The following FGF11 variants were observed in gnomAD, a reference collection of about 807,000 sequenced individuals.
The protein encoded by FGF11 is fibroblast growth factor homologous factor 3.
In FGF11, 25 loss-of-function variants were observed where a neutral mutation model predicts 25.1. The observed-to-expected ratio is 1.00, with a 90% CI of 0.73 to 1.39. The LOEUF is 1.39. Among genes scored for constraint, FGF11 ranks in the 40% most tolerant of loss-of-function variants. FGF11 has a pLI of 0.00. For missense variants in FGF11, 320 were observed against 311.0 expected (o/e 1.03, Z -0.22); for synonymous variants, 130 against 128.9 (o/e 1.01, Z -0.06).
chr17:7,442,128 G>A lies in FGF11; in HGVS notation c.408+249G>A, dbSNP rs1908357746. On this transcript the variant is annotated intron_variant, in intron 3 of 4. Transcript: ENST00000293829. ...AATGTCCAACTCTTTCTGCCTTTTA[G>A]GGCCCCTACTTCTTATCCCACCTCC... 9.1e-6 allele frequency: 4 copies of A among 440,224 alleles called. No individual in the cohort carries two copies. In the South Asian group the frequency reaches 1.5e-4, roughly 17 times the overall value. 27.3% of individuals were successfully genotyped at this position (440,224 alleles called of 1,614,324 possible). A position where few individuals can be genotyped will look rare whatever the true frequency, so the allele number is the denominator to read the frequency against.
In FGF11 at chr17:7,440,085, C is replaced by T; in HGVS notation, c.193+272C>T. On this transcript the variant is annotated intron_variant, in intron 1 of 4. Coordinates refer to ENST00000293829, the MANE Select transcript of FGF11 (RefSeq NM_004112.4). This position sits in a 1 kb window ranked among gnomAD's most constrained non-coding sequence, Gnocchi z 5.4. ...GTAGTTCCTGCTCGTCCCCCCTTCC[C>T]AACACAGCAGTCCCCACCCCCATCG... 1 of 369,096 alleles carries T rather than the reference C, an allele frequency of 2.7e-6. No individual in the cohort carries two copies. The highest frequency in any genetic ancestry group is 4.0e-5 in the East Asian group (1 of 25,146). 22.9% of individuals were successfully genotyped at this position (369,096 alleles called of 1,614,324 possible).
At chr17:7,442,975 G>A in intron 4 of FGF11, 101 bp from the exon 5 acceptor site, 2 of 1,178,658 alleles carry the variant, frequency 1.7e-6, no homozygotes, top group South Asian at 1.3e-5. Context: ...GTTCTTGGAG[G>A]GTGAATGTAC....
upstream of FGF11, among the ~76,000 whole-genome samples, chr17:7,438,767 A>T (rs1908172197): frequency 6.6e-6 from 1 of 152,118 alleles, no homozygotes; most frequent in Non-Finnish European, 1.5e-5. Context: ...CAGGGGAGAA[A>T]AAAACAAAAA....
intron 1 of FGF11, 186 bp from the exon 2 acceptor site, chr17:7,441,285 C>A (rs1908310089): frequency 4.2e-6 from 3 of 719,328 alleles, no homozygotes; most frequent in East Asian, 2.8e-5. Context: ...ACAGAAGGGA[C>A]CCACACCAGC....
Position 7,441,526 on chromosome 17 carries a change from C to T in FGF11, c.249C>T (p.Leu83=), listed in dbSNP as rs1908323554. 3.1e-6 allele frequency: 5 copies of T among 1,614,166 alleles called. No individual in the cohort carries two copies. Among genetic ancestry groups the T allele is most frequent in the African/African-American group, 2.7e-5 (2 of 75,032 alleles). Residue 83 remains leucine, a synonymous_variant, in exon 2 of 5, where the codon CTC becomes CTT. Transcript: ENST00000293829. Reference sequence around the variant, plus strand: ...TGTTCTGCCGCCAGGGTTTCTACCTCCAGGCGAATCCCGACGGAAGCATCC... The same window carrying T: ...TGTTCTGCCGCCAGGGTTTCTACCTTCAGGCGAATCCCGACGGAAGCATCC... ...TKLFCRQGFY[L]QANPDGSIQG... is the part of the protein sequence containing the mutation.
Position 7,439,812 on chromosome 17 carries a change from G to A in FGF11, c.192G>A (p.Pro64=), listed in dbSNP as rs1356129326. The A allele has an allele frequency of 1.5e-5, 22 of 1,429,118 alleles. No individual in the cohort carries two copies. Among genetic ancestry groups the A allele is most frequent in the African/African-American group, 1.1e-4 (7 of 66,228 alleles). The allele number at this position is 1,429,118 out of a possible 1,614,324, so 88.5% of individuals were successfully genotyped here. ...GGCCCGCGCGGCCGGACCGCGGCCC[G>A]GGTGAGTGCGGCTGGGGCGGGGTCT... is the stretch of plus-strand genomic sequence containing the variant. The part of the protein sequence containing the change: ...GGRPARPDRG[P]EPQLKGIVTK... The change falls in exon 1 of 5, where the codon CCG becomes CCA. Residue 64 remains proline, a splice_region_variant and synonymous_variant. Coordinates refer to ENST00000293829, the MANE Select transcript of FGF11 (RefSeq NM_004112.4).
chr17:7,443,491 G>C lies in FGF11; in HGVS notation c.*345G>C, dbSNP rs991144281. On this transcript the variant is annotated 3_prime_UTR_variant, in exon 5 of 5. Transcript: ENST00000293829. ...CCAGGGCATAAACACTTCCCACCCCGGCTCAGCCAGTTCCTGGAGTCCTGT... is the reference window on the plus strand; with the variant it reads ...CCAGGGCATAAACACTTCCCACCCCCGCTCAGCCAGTTCCTGGAGTCCTGT... 4.1e-6 allele frequency: 1 copy of C among 244,972 alleles called. No homozygotes were observed. Among genetic ancestry groups the C allele is most frequent in the Non-Finnish European group, 7.9e-6 (1 of 126,838 alleles). 15.2% of individuals were successfully genotyped at this position (244,972 alleles called of 1,614,324 possible).
Position 7,442,616 on chromosome 17 carries a change from G to A in FGF11, c.431G>A (p.Arg144His), listed in dbSNP as rs530767669. ...YSSPHFTAEC[R>H]FKECVFENYY... Reference sequence around the variant, plus strand: ...TAGCCGCATTTCACAGCTGAGTGTCGCTTTAAGGAGTGTGTCTTTGAGAAT... The same window carrying A: ...TAGCCGCATTTCACAGCTGAGTGTCACTTTAAGGAGTGTGTCTTTGAGAAT... The change falls in exon 4 of 5, where the codon CGC (arginine) becomes CAC (histidine). Residue 144 changes from arginine (R) to histidine (H), a missense_variant. Arg to His is a conservative substitution (Grantham distance 29). Coordinates refer to ENST00000293829, the MANE Select transcript of FGF11 (RefSeq NM_004112.4). The A allele has an allele frequency of 2.9e-5, 47 of 1,614,130 alleles. No homozygotes were observed. Among genetic ancestry groups the A allele is most frequent in the South Asian group, 4.4e-5 (4 of 91,070 alleles).
At position 7,443,803 on chromosome 17, in the gene FGF11, C is replaced by T. The variant is rs1389264259; in HGVS notation, c.*657C>T. On this transcript the variant is annotated 3_prime_UTR_variant, in exon 5 of 5. Coordinates refer to ENST00000293829, the MANE Select transcript of FGF11 (RefSeq NM_004112.4). ...GTCTAGCTGTTGGCTTTGGCCTGAA[C>T]CGGAACCAGTCTCAGATGACCACGG... The T allele has an allele frequency of 6.6e-6, 1 of 152,186 alleles. No individual in the cohort carries two copies. Among genetic ancestry groups the T allele is most frequent in the East Asian group, 1.9e-4 (1 of 5,192 alleles). 9.4% of individuals were successfully genotyped at this position (152,186 alleles called of 1,614,324 possible). A position where few individuals can be genotyped will look rare whatever the true frequency, so the allele number is the denominator to read the frequency against.
rs4151124 is a variant in FGF11 at position 7,441,011 on chromosome 17, G to A, written c.194-460G>A. 884 of 967,580 alleles carry A rather than the reference G, an allele frequency of 9.1e-4. 7 individuals are homozygous for A. The African/African-American group carries it at 0.014, about 16-fold the overall frequency. 59.9% of individuals were successfully genotyped at this position (967,580 alleles called of 1,614,324 possible). A position where few individuals can be genotyped will look rare whatever the true frequency, so the allele number is the denominator to read the frequency against. On this transcript the variant is annotated intron_variant, in intron 1 of 4. Coordinates refer to ENST00000293829, the MANE Select transcript of FGF11 (RefSeq NM_004112.4). Reference sequence around the variant, plus strand: ...TAGCGGCAGCCGCAGCAGGTGCTGAGTCAGCGTCAGGCCCAGTCCCACCCC... The same window carrying A: ...TAGCGGCAGCCGCAGCAGGTGCTGAATCAGCGTCAGGCCCAGTCCCACCCC...
At chr17:7,442,320 T>A (rs1271982342) in intron 3 of FGF11, 1 of 717,948 alleles carries the variant, frequency 1.4e-6, no homozygotes, top group Admixed American at 3.6e-5. Context: ...GCCAGGCTGG[T>A]CTGGAACTCC....
Position 7,441,880 on chromosome 17 carries a change from G to A in FGF11, c.408+1G>A. 2 of 1,589,824 alleles carry A rather than the reference G, an allele frequency of 1.3e-6. No homozygotes were observed. The highest frequency in any genetic ancestry group is 1.7e-6 in the Non-Finnish European group (2 of 1,169,574). ...TGCTGAGGGACTGCTCTACAGTTCG[G>A]TGAGACAATGAGGCTGAGTGGCCGG... is the stretch of plus-strand genomic sequence containing the variant. On this transcript the variant is annotated splice_donor_variant, in intron 3 of 4. Coordinates refer to ENST00000293829, the MANE Select transcript of FGF11 (RefSeq NM_004112.4). LOFTEE classifies it high-confidence loss of function.
upstream of FGF11, chr17:7,438,640 T>G (rs1459533708): frequency 6.6e-6 from 1 of 152,476 alleles, no homozygotes; most frequent in Non-Finnish European, 1.5e-5. Flanking sequence ...AGGGGGCCTG[T>G]TCACATCTGG....
intron 4 of FGF11, 91 bp from the exon 5 acceptor site, chr17:7,442,985 C>A: frequency 8.3e-7 from 1 of 1,205,866 alleles, no homozygotes; most frequent in Non-Finnish European, 1.2e-6. Flanking sequence ...GGTGAATGTA[C>A]GGGAAGGGAG....
chr17:7,442,679 GTCGTT>G lies in FGF11; in HGVS notation c.495_499del (p.Arg166TrpfsTer21). ...TACGCCTCTGCTCTCTACCGCCAGC[GTCGTT>G]CTGGCCGGGCCTGGTACCTCGGCCT... On this transcript the variant is annotated frameshift_variant, in exon 4 of 5. Transcript: ENST00000293829. LOFTEE classifies it high-confidence loss of function. 6.2e-7 allele frequency: 1 copy of G among 1,614,222 alleles called. No individual in the cohort carries two copies. Among genetic ancestry groups the G allele is most frequent in the Non-Finnish European group, 8.5e-7 (1 of 1,180,042 alleles).
rs947883273 is a variant in FGF11 at position 7,440,195 on chromosome 17, A to C, written c.193+382A>C. The C allele has an allele frequency of 3.7e-4, 66 of 179,336 alleles. 1 individual carries two copies. Among genetic ancestry groups the C allele is most frequent in the East Asian group, 5.6e-4 (4 of 7,200 alleles). 11.1% of individuals were successfully genotyped at this position (179,336 alleles called of 1,614,324 possible). ...GTTTCCAGATGCCTGGGTCACCCCAAGGATTTCTGCAGCTCCAGCCGCACG... is the reference window on the plus strand; with the variant it reads ...GTTTCCAGATGCCTGGGTCACCCCACGGATTTCTGCAGCTCCAGCCGCACG... On this transcript the variant is annotated intron_variant, in intron 1 of 4. Transcript: ENST00000293829. The surrounding 1 kb of genome is among the most constrained non-coding windows in gnomAD (Gnocchi z 5.4).
In FGF11 at chr17:7,439,783, G is replaced by C. The variant is rs755895006; in HGVS notation, c.163G>C (p.Gly55Arg). The C allele has an allele frequency of 2.7e-6, 4 of 1,478,192 alleles. No individual in the cohort carries two copies. In the South Asian group the frequency reaches 4.1e-5, roughly 15 times the overall value. 91.6% of individuals were successfully genotyped at this position (1,478,192 alleles called of 1,614,324 possible). A position where few individuals can be genotyped will look rare whatever the true frequency, so the allele number is the denominator to read the frequency against. ...ILLSKVRLCG[G>R]RPARPDRGPE... ...GCTGTCCAAGGTGCGACTGTGCGGG[G>C]GGCGGCCCGCGCGGCCGGACCGCGG... Residue 55 changes from glycine (G) to arginine (R), a missense_variant, in exon 1 of 5, where the codon GGG becomes CGG. By Grantham distance (125) the Gly-to-Arg change is moderately radical. Transcript: ENST00000293829.
chr17:7,439,385 G>A, upstream of FGF11: 1 of 414,700 alleles, frequency 2.4e-6, no homozygotes, highest in Non-Finnish European at 4.3e-6. Flanking sequence ...ATCCACTGAG[G>A]AGTACATAGG....
Position 7,440,743 on chromosome 17 carries a change from T to G in FGF11, c.194-728T>G, listed in dbSNP as rs2150833619. On this transcript the variant is annotated intron_variant, in intron 1 of 4. Coordinates refer to ENST00000293829, the MANE Select transcript of FGF11 (RefSeq NM_004112.4). The surrounding 1 kb of genome is among the most constrained non-coding windows in gnomAD (Gnocchi z 5.4). ...TAGTGGTACAATCCGCAGCCCACCCTCTGAGTAGGACCGGGCCCCCACGTG... is the reference window on the plus strand; with the variant it reads ...TAGTGGTACAATCCGCAGCCCACCCGCTGAGTAGGACCGGGCCCCCACGTG... The G allele has an allele frequency of 6.1e-6, 6 of 986,112 alleles. No homozygotes were observed. The highest frequency in any genetic ancestry group is 7.2e-6 in the Non-Finnish European group (6 of 830,602). 61.1% of individuals were successfully genotyped at this position (986,112 alleles called of 1,614,324 possible).
Sources: allele counts gnomAD v4.1 joint callset (sites outside exome capture counted in the v4.1 genomes callset), GRCh38; gene constraint gnomAD v4.1.1; non-coding constraint Gnocchi (gnomAD v3.1); transcripts MANE v1.5; gene names NCBI Gene and HGNC (gene_info 2026-07-23, HGNC 2026-07-21).